The following KCNMA1 variants were observed in gnomAD, a reference collection of about 807,000 sequenced individuals.
KCNMA1 encodes Calcium-activated potassium channel subunit alpha-1.
Under a neutral mutation model 140.0 loss-of-function variants are expected in KCNMA1, and 29 were observed. The observed-to-expected ratio is 0.21, with a 90% CI of 0.15 to 0.28. The LOEUF is 0.28. Among genes scored for constraint, KCNMA1 ranks in the 10% least tolerant of loss-of-function variants. The probability of loss-of-function intolerance (pLI) is 1.00; values close to 1 mark genes in which losing one functional copy is unlikely to be tolerated. For synonymous variants in KCNMA1, 612 were observed against 611.9 expected, an observed-to-expected ratio of 1.00 and a Z score of 0.00; for missense variants, 880 against 1,602.2, an observed-to-expected ratio of 0.55 and a Z score of 7.70.
At position 77,012,026 on chromosome 10, in the gene KCNMA1, T is replaced by C; in HGVS notation, c.2033A>G (p.Lys678Arg). The stretch of plus-strand genomic sequence containing the variant: ...ATCTGTGATGTCATCATGACAGGCC[T>C]TGCAGTAAAAAAATGCCCTGGAGAA... The part of the protein sequence containing the change: ...KEVKRAFFYC[K>R]ACHDDITDPK... Residue 678 changes from lysine (K) to arginine (R), a missense_variant, in exon 18 of 28, where the codon AAG becomes AGG. Lys to Arg is a conservative substitution (Grantham distance 26). This residue lies in a region of KCNMA1 where 196 missense variants were observed against 233.0 expected (regional missense o/e 0.84). Transcript: ENST00000286628. 1 of 1,613,936 alleles carries C rather than the reference T, an allele frequency of 6.2e-7. No homozygotes were observed. The highest frequency in any genetic ancestry group is 8.5e-7 in the Non-Finnish European group (1 of 1,179,908).
intron 1 of KCNMA1, among the ~76,000 whole-genome samples, chr10:77,464,410 A>C (rs191276041): frequency 1.9e-4 from 29 of 152,186 alleles, no homozygotes; most frequent in Non-Finnish European, 8.8e-5. Context: ...CACTGCAGTC[A>C]GGAAGAAGAC....
Position 77,112,438 on chromosome 10 carries a change from A to C in KCNMA1, c.889T>G (p.Ser297Ala). Residue 297 changes from serine to alanine, a missense_variant, in exon 7 of 28, where the codon TCC (serine) becomes GCC (alanine). Transcript: ENST00000286628. The part of the protein sequence containing the change: ...QFLNILKTSN[S>A]IKLVNLLSIF... ...GAGAGCAGATTCACCAGCTTGATGGAATTACTGTGCAAGAGACAACAAGCA... is the reference window on the plus strand; with the variant it reads ...GAGAGCAGATTCACCAGCTTGATGGCATTACTGTGCAAGAGACAACAAGCA... The C allele has an allele frequency of 1.2e-6, 2 of 1,613,230 alleles. No individual in the cohort carries two copies. Among genetic ancestry groups the C allele is most frequent in the South Asian group, 2.2e-5 (2 of 91,072 alleles).
intron 25 of KCNMA1, among the ~76,000 whole-genome samples, chr10:76,897,240 CAAAT>C (rs1011670360): frequency 4.1e-5 from 6 of 147,868 alleles, no homozygotes; most frequent in African/African-American, 1.5e-4. Context: ...AGCAAACAAA[CAAAT>C]AAAAATAACC....
chr10:77,128,528 C>T (rs190384741), intron 5 of KCNMA1, among the ~76,000 whole-genome samples: 1 of 151,966 alleles, frequency 6.6e-6, no homozygotes, highest in East Asian at 1.9e-4. Flanking sequence ...TCAGCACCCC[C>T]TACCTGCATT....
At chr10:76,963,860 A>C (rs1041039768) in intron 20 of KCNMA1, among the ~76,000 whole-genome samples, 6 of 152,158 alleles carry the variant, frequency 3.9e-5, no homozygotes, top group African/African-American at 1.4e-4. Flanking sequence ...ACAATGTTCA[A>C]GAATATCAGG....
intron 5 of KCNMA1, among the ~76,000 whole-genome samples, chr10:77,181,814 A>G (rs898633273): frequency 6.6e-6 from 1 of 152,206 alleles, no homozygotes; most frequent in Admixed American, 6.5e-5. Flanking sequence ...CTAACCAAGC[A>G]TATCTCAGGT....
downstream of KCNMA1, chr10:76,877,616 T>G (rs1432382402): frequency 1.2e-6 from 1 of 856,394 alleles, no homozygotes; most frequent in African/African-American, 1.7e-5. Context: ...GTCTACTTTA[T>G]TTTCTGGCAA....
intron 3 of KCNMA1, among the ~76,000 whole-genome samples, chr10:77,246,044 AG>A (rs781751209): frequency 1.2e-4 from 18 of 152,200 alleles, no homozygotes; most frequent in Non-Finnish European, 4.4e-5. Context: ...CTTGGTTCTC[AG>A]GGTGAGAAAT....
chr10:77,565,882 T>C (rs1213667655), intron 1 of KCNMA1, among the ~76,000 whole-genome samples: 1 of 151,758 alleles, frequency 6.6e-6, no homozygotes, highest in Non-Finnish European at 1.5e-5. Context: ...GATCCCCACA[T>C]GAATGCACCT....
At chr10:77,423,857 C>T (rs1000575595) in intron 1 of KCNMA1, among the ~76,000 whole-genome samples, 7 of 152,174 alleles carry the variant, frequency 4.6e-5, no homozygotes, top group South Asian at 2.1e-4. Context: ...AGAGGCACCC[C>T]GTGGAAGTCA....
chr10:76,944,669 G>T, intron 23 of KCNMA1, 104 bp downstream of exon 23: 3 of 1,072,432 alleles, frequency 2.8e-6, no homozygotes, highest in Non-Finnish European at 4.3e-6. Flanking sequence ...TCACTGCCAG[G>T]CAGGCTGATG....
intron 1 of KCNMA1, among the ~76,000 whole-genome samples, chr10:77,406,178 C>T (rs1566633171): frequency 6.6e-6 from 1 of 152,212 alleles, no homozygotes; most frequent in East Asian, 1.9e-4. Context: ...TAGGTCTTGC[C>T]CTGGTCCCTG....
At chr10:77,548,005 T>TA (rs61319330) in intron 1 of KCNMA1, among the ~76,000 whole-genome samples, 48,553 of 148,728 alleles carry the variant, frequency 0.33, 8,113 homozygotes, top group East Asian at 0.68. Flanking sequence ...TTTTACAAAT[T>TA]AAAAAAAAAA....
rs537336534 is a variant in KCNMA1, at chr10:76,901,461, T to A, written c.3147+8505A>T. On this transcript the variant is annotated intron_variant, in intron 25 of 27. Coordinates refer to ENST00000286628, the MANE Select transcript of KCNMA1 (RefSeq NM_001161352.2). ...CCATTGCAATGATAAATCTAGAAGG[T>A]CAGGCTGGGAGGTTATTGTTTTGTC... 14 of 152,270 alleles carry A rather than the reference T, an allele frequency of 9.2e-5. No homozygotes were observed. In the South Asian group the frequency reaches 2.9e-3, roughly 32 times the overall value. The allele number at this position is 152,270 out of a possible 1,614,324, so 9.4% of individuals were successfully genotyped here. A position where few individuals can be genotyped will look rare whatever the true frequency, so the allele number is the denominator to read the frequency against.
chr10:77,536,770 T>C (rs2058987104), intron 1 of KCNMA1, among the ~76,000 whole-genome samples: 1 of 152,168 alleles, frequency 6.6e-6, no homozygotes, highest in Non-Finnish European at 1.5e-5. Flanking sequence ...AAGCCAATGA[T>C]CTAAACACCA....
At chr10:77,561,968 T>TC (rs2066543211) in intron 1 of KCNMA1, among the ~76,000 whole-genome samples, 1 of 152,166 alleles carries the variant, frequency 6.6e-6, no homozygotes, top group South Asian at 2.1e-4. Context: ...CATATAGAAT[T>TC]CAACAGCCTC....
intron 2 of KCNMA1, among the ~76,000 whole-genome samples, chr10:77,394,346 A>T (rs1244641781): frequency 6.6e-6 from 1 of 152,184 alleles, no homozygotes; most frequent in African/African-American, 2.4e-5. Flanking sequence ...TGCTCTTTAC[A>T]GGGCGTGCCG....
intron 2 of KCNMA1, among the ~76,000 whole-genome samples, chr10:77,255,412 C>T (rs1398046322): frequency 6.6e-6 from 1 of 151,598 alleles, no homozygotes; most frequent in Non-Finnish European, 1.5e-5. Flanking sequence ...CCAGCCTGTC[C>T]AACACAGTGA....
chr10:77,266,077 G>C (rs1247146702), intron 2 of KCNMA1, among the ~76,000 whole-genome samples: 1 of 42,332 alleles, frequency 2.4e-5, no homozygotes, highest in Non-Finnish European at 4.9e-5. Context: ...GTGAAAACCT[G>C]CCAAAAAAAA....
Sources: allele counts gnomAD v4.1 joint callset (sites outside exome capture counted in the v4.1 genomes callset), GRCh38; gene constraint gnomAD v4.1.1; regional missense constraint gnomAD v4.1.1; transcripts MANE v1.5; gene names NCBI Gene and HGNC (gene_info 2026-07-23, HGNC 2026-07-21).